Variants in CADPS2 observed in about 807,000 individuals in gnomAD.
CADPS2 encodes calcium dependent secretion activator 2.
Under a neutral mutation model 172.5 loss-of-function variants are expected in CADPS2, and 93 were observed. That is an observed-to-expected ratio of 0.54 (90% CI 0.46 to 0.64). The LOEUF (loss-of-function observed/expected upper bound fraction) is 0.64. CADPS2 is among the 30% of genes least tolerant of loss of function. The pLI is 0.00. For missense variants in CADPS2, 1,420 were observed against 1,565.9 expected, an observed-to-expected ratio of 0.91 and a Z score of 1.57; for synonymous variants, 546 against 555.2, an observed-to-expected ratio of 0.98 and a Z score of 0.23.
chr7:122,555,248 T>C (rs936678901), intron 7 of CADPS2, among the ~76,000 whole-genome samples: 9 of 152,062 alleles, frequency 5.9e-5, no homozygotes, highest in Non-Finnish European at 8.8e-5. Flanking sequence ...AAACTATAGA[T>C]ATTATAATGA....
chr7:122,596,856 G>C (rs886749892), intron 6 of CADPS2, among the ~76,000 whole-genome samples: 13 of 152,074 alleles, frequency 8.5e-5, no homozygotes, highest in Non-Finnish European at 1.9e-4. Context: ...AGAAATACCT[G>C]AGACTGTGTA....
intron 2 of CADPS2, among the ~76,000 whole-genome samples, chr7:122,691,561 T>C (rs1564077025): frequency 1.3e-5 from 2 of 152,194 alleles, no homozygotes; most frequent in Non-Finnish European, 2.9e-5. Flanking sequence ...CACTTCTAAA[T>C]CTGCAAGAGA....
chr7:122,575,174 A>T (rs962689846), intron 7 of CADPS2, among the ~76,000 whole-genome samples: 1 of 145,342 alleles, frequency 6.9e-6, no homozygotes, highest in East Asian at 2.0e-4. Context: ...CATTATAATA[A>T]AAGTAAAAAA....
intron 1 of CADPS2, among the ~76,000 whole-genome samples, chr7:122,772,566 C>T (rs1210032212): frequency 6.6e-6 from 1 of 152,070 alleles, no homozygotes; most frequent in Non-Finnish European, 1.5e-5. Context: ...AAATCAACAG[C>T]TTTCCTGTAT....
chr7:122,380,645 A>G (rs907756329), intron 24 of CADPS2, among the ~76,000 whole-genome samples: 1 of 151,996 alleles, frequency 6.6e-6, no homozygotes, highest in African/African-American at 2.4e-5. Flanking sequence ...ATAATTTTGG[A>G]GTGTCTGAAT....
intron 8 of CADPS2, among the ~76,000 whole-genome samples, chr7:122,536,761 C>T (rs1261754942): frequency 1.3e-5 from 2 of 152,036 alleles, no homozygotes; most frequent in Non-Finnish European, 2.9e-5. Flanking sequence ...ATTCAGAAAA[C>T]CTCAACTCTC....
At chr7:122,484,809 G>GA (rs1563473960) in intron 11 of CADPS2, among the ~76,000 whole-genome samples, 3 of 152,058 alleles carry the variant, frequency 2.0e-5, no homozygotes. Flanking sequence ...GTGCTTTGCA[G>GA]ATGTGTTTTT....
At chr7:122,828,851 A>G (rs577930321) in intron 1 of CADPS2, among the ~76,000 whole-genome samples, 3 of 152,164 alleles carry the variant, frequency 2.0e-5, no homozygotes, top group Non-Finnish European at 2.9e-5. Flanking sequence ...ATTCTAAGCC[A>G]TGGGTCAAGA....
intron 20 of CADPS2, among the ~76,000 whole-genome samples, chr7:122,405,270 A>G (rs76081752): frequency 6.6e-6 from 1 of 152,234 alleles, no homozygotes; most frequent in Non-Finnish European, 1.5e-5. Context: ...ACCTGACTGT[A>G]ATTTCATAGC....
At chr7:122,664,103 C>T (rs1046209656) in intron 2 of CADPS2, among the ~76,000 whole-genome samples, 2 of 142,486 alleles carry the variant, frequency 1.4e-5, no homozygotes. Context: ...AGGAAAACAA[C>T]TGGAGATATG....
intron 1 of CADPS2, among the ~76,000 whole-genome samples, chr7:122,774,976 TTC>T (rs2093829221): frequency 6.6e-6 from 1 of 152,202 alleles, no homozygotes; most frequent in South Asian, 2.1e-4. Flanking sequence ...TGCTCATTTT[TTC>T]TGTTAAATTC....
At chr7:122,348,692 T>C (rs2038064184) in intron 27 of CADPS2, among the ~76,000 whole-genome samples, 1 of 152,192 alleles carries the variant, frequency 6.6e-6, no homozygotes, top group Admixed American at 6.5e-5. Flanking sequence ...AGTGAATACA[T>C]TTTCATGTAG....
intron 1 of CADPS2, among the ~76,000 whole-genome samples, chr7:122,833,392 C>T (rs1807225357): frequency 6.6e-6 from 1 of 151,898 alleles, no homozygotes; most frequent in African/African-American, 2.4e-5. Context: ...GCTCTGTTGC[C>T]CGGGCTGGAG....
chr7:122,362,232 A>G (rs1398535595), intron 25 of CADPS2, among the ~76,000 whole-genome samples: 1 of 152,212 alleles, frequency 6.6e-6, no homozygotes, highest in Non-Finnish European at 1.5e-5. Context: ...ATTGGCACAT[A>G]TAAGGATCAT....
chr7:122,718,905 C>T (rs531230599), intron 2 of CADPS2, among the ~76,000 whole-genome samples: 2 of 152,234 alleles, frequency 1.3e-5, no homozygotes, highest in African/African-American at 4.8e-5. Flanking sequence ...CCTGCTTTCT[C>T]CTCCAACTTG....
rs1295310836 is a variant in CADPS2, at chr7:122,641,042, G to C, written c.787-11714C>G. Among the ~76,000 whole-genome samples, 2 of 151,768 alleles carry C rather than the reference G, an allele frequency of 1.3e-5. 1 individual carries two copies. The highest frequency in any genetic ancestry group is 1.3e-4 in the Admixed American group (2 of 15,230). On this transcript the variant is annotated intron_variant, in intron 3 of 29. Coordinates refer to ENST00000449022, the MANE Select transcript of CADPS2 (RefSeq NM_017954.11). ...ACTCTGGGGATTGTAATAGAGATCA[G>C]AGGTAAGGCTTCACTCTACCAAGGC...
rs1026346088 is a variant in CADPS2 at position 122,652,279 on chromosome 7, T to C, written c.786+10958A>G. 7.2e-5 allele frequency among the ~76,000 whole-genome samples: 11 copies of C among 152,362 alleles called. 1 individual carries two copies. Among genetic ancestry groups the C allele is most frequent in the East Asian group, 1.9e-4 (1 of 5,182 alleles). On this transcript the variant is annotated intron_variant, in intron 3 of 29. Coordinates refer to ENST00000449022, the MANE Select transcript of CADPS2 (RefSeq NM_017954.11). Reference sequence around the variant, plus strand: ...TATATATATATGCTCTGCATGATTATAGATAATGGGTTAACTAATTAATTT... The same window carrying C: ...TATATATATATGCTCTGCATGATTACAGATAATGGGTTAACTAATTAATTT...
chr7:122,734,356 T>TAAAAAAAAAAAAAAAAAAAA lies in CADPS2; in HGVS notation c.453+2579_453+2598dup, dbSNP rs558421546. 3.7e-4 allele frequency among the ~76,000 whole-genome samples: 17 copies of TAAAAAAAAAAAAAAAAAAAA among 46,278 alleles called. 2 individuals are homozygous for TAAAAAAAAAAAAAAAAAAAA. The highest frequency in any genetic ancestry group is 6.3e-4 in the African/African-American group (7 of 11,122). 30.4% of individuals were successfully genotyped at this position (46,278 alleles called of 152,430 possible). On this transcript the variant is annotated intron_variant, in intron 2 of 29. Transcript: ENST00000449022. The stretch of plus-strand genomic sequence containing the variant: ...AATAACGATAGCATGCCAGAAATAG[T>TAAAAAAAAAAAAAAAAAAAA]AAAAAAAAAAAAAAAAAAAAAAAAA...
intron 8 of CADPS2, among the ~76,000 whole-genome samples, chr7:122,532,921 G>C (rs1050045272): frequency 1.3e-5 from 2 of 151,998 alleles, no homozygotes; most frequent in Admixed American, 1.3e-4. Context: ...ATTTCTCACT[G>C]GGATAGGGTT....
Sources: gnomAD v4.1 joint callset for allele counts (sites outside exome capture counted in the v4.1 genomes callset) on GRCh38, gnomAD v4.1.1 for gene constraint, MANE v1.5 for transcripts, NCBI Gene and HGNC (gene_info 2026-07-23, HGNC 2026-07-21) for gene names.